Variants in OXCT1 observed in about 807,000 individuals in gnomAD.
OXCT1 encodes the protein 3-oxoacid CoA-transferase 1, also known as succinyl-CoA:3-ketoacid coenzyme A transferase 1, mitochondrial.
Under a neutral mutation model 69.6 loss-of-function variants are expected in OXCT1, and 27 were observed. The ratio of observed to expected loss-of-function variants is 0.39; its 90% CI spans 0.29 to 0.54. The LOEUF (loss-of-function observed/expected upper bound fraction) is 0.54, where lower values mean the gene tolerates loss of function less well. Ranked by LOEUF, OXCT1 falls within the 20% of genes least tolerant of loss-of-function variation. The probability of loss-of-function intolerance (pLI) is 0.72; values close to 1 mark genes in which losing one functional copy is unlikely to be tolerated. For synonymous variants in OXCT1, 202 were observed against 217.8 expected, an observed-to-expected ratio of 0.93 and a Z score of 0.64; for missense variants, 437 against 650.2, an observed-to-expected ratio of 0.67 and a Z score of 3.57.
chr5:41,767,935 A>G (rs1463333532), intron 13 of OXCT1, among the ~76,000 whole-genome samples: 1 of 151,500 alleles, frequency 6.6e-6, no homozygotes, highest in Non-Finnish European at 1.5e-5. Flanking sequence ...TGTTGGCCAA[A>G]TTAACAGCTC....
chr5:41,738,012 G>A (rs372389277), intron 16 of OXCT1, among the ~76,000 whole-genome samples: 3 of 152,122 alleles, frequency 2.0e-5, no homozygotes, highest in African/African-American at 4.8e-5. Context: ...CCAAGATCGC[G>A]CCACTGCACT....
intron 13 of OXCT1, among the ~76,000 whole-genome samples, chr5:41,782,561 T>A (rs1389074547): frequency 6.6e-6 from 1 of 152,186 alleles, no homozygotes; most frequent in Non-Finnish European, 1.5e-5. Context: ...TTGAGAAGTA[T>A]CTGTTCATGT....
intron 7 of OXCT1, among the ~76,000 whole-genome samples, chr5:41,810,041 C>T (rs895070763): frequency 1.3e-5 from 2 of 151,320 alleles, no homozygotes; most frequent in Non-Finnish European, 2.9e-5. Context: ...GAAGTACAAA[C>T]CAAAAGAAGA....
chr5:41,860,165 G>A (rs559514032), intron 3 of OXCT1, among the ~76,000 whole-genome samples: 33 of 151,936 alleles, frequency 2.2e-4, no homozygotes, highest in African/African-American at 6.8e-4. Context: ...ATTTTCAGAC[G>A]ATCTGAAAAG....
At chr5:41,743,466 A>G (rs1416270966) in intron 15 of OXCT1, among the ~76,000 whole-genome samples, 1 of 152,180 alleles carries the variant, frequency 6.6e-6, no homozygotes, top group East Asian at 1.9e-4. Context: ...TTTGCTGTGC[A>G]GAAACTCTTT....
intron 16 of OXCT1, 121 bp downstream of exon 16, chr5:41,739,269 G>A (rs912617516): frequency 5.4e-6 from 4 of 735,772 alleles, no homozygotes; most frequent in Non-Finnish European, 9.8e-6. Flanking sequence ...TTCTACTCCT[G>A]TTCACTGTAA....
At chr5:41,828,782 A>T (rs114060723) in intron 7 of OXCT1, among the ~76,000 whole-genome samples, 126 of 152,330 alleles carry the variant, frequency 8.3e-4, no homozygotes, top group African/African-American at 2.9e-3. Flanking sequence ...GTAATTTAAT[A>T]TATTCAGACT....
Position 41,794,123 on chromosome 5 carries a change from G to A in OXCT1, c.1173-45C>T, listed in dbSNP as rs765183875. On this transcript the variant is annotated intron_variant, in intron 12 of 16. Coordinates refer to ENST00000196371, the MANE Select transcript of OXCT1 (RefSeq NM_000436.4). ...AATAAAGTGAACCTCATAAGCTTTT[G>A]TCCCCTTTGCTTGAACTTGCCAGCA... 2.1e-6 allele frequency: 3 copies of A among 1,448,982 alleles called. No individual in the cohort carries two copies. The East Asian group carries it at 6.8e-5, about 33-fold the overall frequency. The allele number at this position is 1,448,982 out of a possible 1,614,324, so 89.8% of individuals were successfully genotyped here.
chr5:41,853,464 T>C lies in OXCT1; in HGVS notation c.369A>G (p.Glu123=), dbSNP rs1354306060. 1.2e-6 allele frequency: 2 copies of C among 1,613,858 alleles called. No homozygotes were observed. Among genetic ancestry groups the C allele is most frequent in the Non-Finnish European group, 1.7e-6 (2 of 1,179,896 alleles). ...SSYVGENAEF[E]RQYLSGELEV... ...CTAATTCACCAGATAAGTACTGTCG[T>C]TCAAATTCTGCATTTTCTCCCACAT... is the stretch of plus-strand genomic sequence containing the variant. The change falls in exon 4 of 17, where the codon GAA becomes GAG. Residue 123 remains glutamate, a synonymous_variant. Coordinates refer to ENST00000196371, the MANE Select transcript of OXCT1 (RefSeq NM_000436.4).
At chr5:41,803,863 T>C (rs973709901) in intron 9 of OXCT1, among the ~76,000 whole-genome samples, 10 of 152,082 alleles carry the variant, frequency 6.6e-5, no homozygotes, top group African/African-American at 2.4e-4. Flanking sequence ...CTCAATGGTG[T>C]GGGTTCAATC....
Position 41,801,133 on chromosome 5 carries a change from C to T in OXCT1, c.1051-63G>A. The T allele has an allele frequency of 2.5e-6, 3 of 1,220,282 alleles. No homozygotes were observed. The South Asian group carries it at 3.6e-5, about 15-fold the overall frequency. 75.6% of individuals were successfully genotyped at this position (1,220,282 alleles called of 1,614,324 possible). ...ATTCTCACTGAATCACATATTAGAA[C>T]TATAATATAAATAACTTCCCTAAAA... On this transcript the variant is annotated intron_variant, in intron 10 of 16. Coordinates refer to ENST00000196371, the MANE Select transcript of OXCT1 (RefSeq NM_000436.4).
Position 41,799,637 on chromosome 5 carries a change from T to C in OXCT1, c.1099+1385A>G, listed in dbSNP as rs566409789. 7.2e-5 allele frequency among the ~76,000 whole-genome samples: 11 copies of C among 152,330 alleles called. No individual in the cohort carries two copies. The East Asian group carries it at 1.9e-3, about 27-fold the overall frequency. On this transcript the variant is annotated intron_variant, in intron 11 of 16. Coordinates refer to ENST00000196371, the MANE Select transcript of OXCT1 (RefSeq NM_000436.4). ...AAATTTGGAACATGCAGTTATTCAT[T>C]TTGCAAATAACTCACTAACATCATA...
At chr5:41,754,948 C>G (rs1418556123) in intron 14 of OXCT1, among the ~76,000 whole-genome samples, 1 of 152,062 alleles carries the variant, frequency 6.6e-6, no homozygotes, top group Non-Finnish European at 1.5e-5. Flanking sequence ...CCCTTATACA[C>G]TGTATCATAT....
At chr5:41,732,018 A>C (rs1742659389) in intron 16 of OXCT1, among the ~76,000 whole-genome samples, 1 of 152,184 alleles carries the variant, frequency 6.6e-6, no homozygotes, top group Non-Finnish European at 1.5e-5. Context: ...GCTGGCAACA[A>C]GGAGCAGGTG....
intron 13 of OXCT1, among the ~76,000 whole-genome samples, chr5:41,786,469 G>A (rs150656569): frequency 4.9e-4 from 75 of 152,272 alleles, no homozygotes; most frequent in African/African-American, 1.7e-3. Flanking sequence ...TTCTTCAAAT[G>A]CAGGCAGACT....
In OXCT1 at chr5:41,780,948, G is replaced by A. The variant is rs187645233; in HGVS notation, c.1248+13055C>T. Among the ~76,000 whole-genome samples, 490 of 150,602 alleles carry A rather than the reference G, an allele frequency of 3.3e-3. 5 individuals are homozygous for A. Among genetic ancestry groups the A allele is most frequent in the African/African-American group, 0.012 (471 of 40,870 alleles). On this transcript the variant is annotated intron_variant, in intron 13 of 16. Transcript: ENST00000196371. ...AGACGGAGTCTCGCTCTGTCACCTA[G>A]GCTGCAGGGCAGTGGCGCGATCTTG... is the stretch of plus-strand genomic sequence containing the variant.
At chr5:41,843,436 C>A (rs1392003609) in intron 5 of OXCT1, 1 of 408,154 alleles carries the variant, frequency 2.5e-6, no homozygotes, top group Non-Finnish European at 4.9e-6. Context: ...TCTCTTGCTA[C>A]TGTGAATGTT....
At chr5:41,780,187 T>C (rs906424359) in intron 13 of OXCT1, among the ~76,000 whole-genome samples, 4 of 152,100 alleles carry the variant, frequency 2.6e-5, no homozygotes, top group African/African-American at 9.7e-5. Flanking sequence ...TTTTGGAAAA[T>C]GCAAATTAAC....
At chr5:41,857,131 C>T (rs1212549529) in intron 3 of OXCT1, among the ~76,000 whole-genome samples, 1 of 152,104 alleles carries the variant, frequency 6.6e-6, no homozygotes, top group Non-Finnish European at 1.5e-5. Context: ...AAAATCTGGC[C>T]ATTTCTCACT....
Sources: gnomAD v4.1 joint callset for allele counts (sites outside exome capture counted in the v4.1 genomes callset) on GRCh38, gnomAD v4.1.1 for gene constraint, MANE v1.5 for transcripts, NCBI Gene and HGNC (gene_info 2026-07-23, HGNC 2026-07-21) for gene names.